LRRFIP1: variants seen among roughly 807,000 people sequenced by gnomAD.
LRRFIP1 encodes LRR binding FLII interacting protein 1, also known as leucine-rich repeat flightless-interacting protein 1.
In LRRFIP1, 62 loss-of-function variants were observed where a neutral mutation model predicts 104.4. The ratio of observed to expected loss-of-function variants is 0.59; its 90% CI spans 0.48 to 0.73. The LOEUF (loss-of-function observed/expected upper bound fraction) is 0.73, where lower values mean the gene tolerates loss of function less well. Among genes scored for constraint, LRRFIP1 ranks in the 30% least tolerant of loss-of-function variants. LRRFIP1 has a pLI of 0.00. For synonymous variants in LRRFIP1, 300 were observed against 299.0 expected, an observed-to-expected ratio of 1.00 and a Z score of -0.03; for missense variants, 796 against 824.5, an observed-to-expected ratio of 0.97 and a Z score of 0.42.
intron 19 of LRRFIP1, chr2:237,769,067 A>T (rs1414094834): frequency 6.6e-6 from 1 of 152,264 alleles, no homozygotes; most frequent in African/African-American, 2.4e-5. Flanking sequence ...GAAGGAGGCT[A>T]TGATGAAGCC....
rs57355213 is a variant in LRRFIP1, at chr2:237,719,940, CTTTT to C, written c.294+395_294+398del. On this transcript the variant is annotated intron_variant, in intron 5 of 23. Coordinates refer to ENST00000308482, the MANE Select transcript of LRRFIP1 (RefSeq NM_001137550.2). ...AAAGAATACTACTTGGATGAAATTA[CTTTT>C]TTTTTTTTTTTTTTTTTTTTTGAGA... Among the ~76,000 whole-genome samples the C allele has an allele frequency of 1.8e-3, 189 of 103,972 alleles. No individual in the cohort carries two copies. In the Middle Eastern group the frequency reaches 0.028, roughly 15 times the overall value. The allele number at this position is 103,972 out of a possible 152,430, so 68.2% of individuals were successfully genotyped here.
At chr2:237,726,976 ATAAAG>A (rs1372053119) in intron 7 of LRRFIP1, among the ~76,000 whole-genome samples, 1 of 152,220 alleles carries the variant, frequency 6.6e-6, no homozygotes, top group Non-Finnish European at 1.5e-5. Flanking sequence ...ATTTTGAAAA[ATAAAG>A]TAGGAGGGCT....
rs2150933794 is a variant in LRRFIP1 at position 237,774,482 on chromosome 2, T to C, written c.1812+20T>C. 6.6e-7 allele frequency: 1 copy of C among 1,504,864 alleles called. No homozygotes were observed. The highest frequency in any genetic ancestry group is 2.3e-5 in the East Asian group (1 of 44,278). The allele number at this position is 1,504,864 out of a possible 1,614,324, so 93.2% of individuals were successfully genotyped here. The stretch of plus-strand genomic sequence containing the variant: ...AGAGAGGTAAATTTCCTAGGCAATT[T>C]CTAGGAAGAGAATGGCTGCCAGTAT... On this transcript the variant is annotated intron_variant, in intron 23 of 23. Coordinates refer to ENST00000308482, the MANE Select transcript of LRRFIP1 (RefSeq NM_001137550.2).
intron 15 of LRRFIP1, among the ~76,000 whole-genome samples, chr2:237,754,768 C>T (rs1278225144): frequency 1.3e-5 from 2 of 152,196 alleles, no homozygotes; most frequent in Non-Finnish European, 2.9e-5. Flanking sequence ...CATGTGGGAA[C>T]GGAGGAGTGG....
At chr2:237,645,997 G>A (rs1392868066) in intron 1 of LRRFIP1, among the ~76,000 whole-genome samples, 3 of 151,826 alleles carry the variant, frequency 2.0e-5, no homozygotes, top group East Asian at 1.9e-4. Context: ...TCTGTTCCTC[G>A]CCGTGGGGAC....
intron 1 of LRRFIP1, chr2:237,692,473 C>A (rs964075165): frequency 2.0e-6 from 3 of 1,531,558 alleles, no homozygotes; most frequent in Admixed American, 2.0e-5. Flanking sequence ...GCCCCGCGGC[C>A]GCTCAAAGCC....
chr2:237,700,691 A>G (rs1267440406), intron 1 of LRRFIP1, among the ~76,000 whole-genome samples: 3 of 152,182 alleles, frequency 2.0e-5, no homozygotes, highest in African/African-American at 4.8e-5. Context: ...TCCTCTGTCC[A>G]TTGGCCCACT....
chr2:237,772,776 C>T (rs545754281), intron 21 of LRRFIP1, 90 bp from the exon 22 acceptor site: 21 of 885,352 alleles, frequency 2.4e-5, no homozygotes, highest in Non-Finnish European at 3.7e-5. Flanking sequence ...GAGATGATTA[C>T]AAAGTAAGGG....
At chr2:237,741,090 G>T (rs1400358472) in intron 11 of LRRFIP1, among the ~76,000 whole-genome samples, 1 of 152,174 alleles carries the variant, frequency 6.6e-6, no homozygotes, top group Non-Finnish European at 1.5e-5. Flanking sequence ...CCATCCCAGA[G>T]CCCAGCAGTC....
At chr2:237,644,615 A>G (rs1331010604) in intron 1 of LRRFIP1, among the ~76,000 whole-genome samples, 1 of 152,214 alleles carries the variant, frequency 6.6e-6, no homozygotes, top group African/African-American at 2.4e-5. Context: ...GCTTAGTTAG[A>G]ATGATAGAGA....
intron 14 of LRRFIP1, among the ~76,000 whole-genome samples, chr2:237,751,747 C>T (rs1029968541): frequency 3.3e-5 from 5 of 152,188 alleles, no homozygotes; most frequent in African/African-American, 7.2e-5. Flanking sequence ...CTGTAAAATG[C>T]TACTAATTGA....
chr2:237,753,527 G>A, intron 15 of LRRFIP1, 48 bp downstream of exon 15: 1 of 1,459,500 alleles, frequency 6.9e-7, no homozygotes, highest in Non-Finnish European at 9.1e-7. Context: ...TGCGTGCAGT[G>A]GCCCATGCCT....
rs9653223 is a variant in LRRFIP1 at position 237,661,888 on chromosome 2, G to A, written c.96+34148G>A. On this transcript the variant is annotated intron_variant, in intron 1 of 23. Coordinates refer to ENST00000308482, the MANE Select transcript of LRRFIP1 (RefSeq NM_001137550.2). This position sits in a 1 kb window ranked among gnomAD's most constrained non-coding sequence, Gnocchi z 4.4. Reference sequence around the variant, plus strand: ...AATAGGTGTTGCCATGATTCCTTTGGACAAAATGTAAAATCTGGCTGAAGA... The same window carrying A: ...AATAGGTGTTGCCATGATTCCTTTGAACAAAATGTAAAATCTGGCTGAAGA... Among the ~76,000 whole-genome samples the A allele has an allele frequency of 6.6e-3, 1,005 of 152,288 alleles. 20 individuals carry two copies. Among genetic ancestry groups the A allele is most frequent in the African/African-American group, 0.023 (951 of 41,554 alleles).
Position 237,717,759 on chromosome 2 carries a change from T to C in LRRFIP1, c.202-3T>C. 12 of 1,608,930 alleles carry C rather than the reference T, an allele frequency of 7.5e-6. No individual in the cohort carries two copies. Among genetic ancestry groups the C allele is most frequent in the East Asian group, 2.2e-5 (1 of 44,862 alleles). ...CCTAATTTTCTTTCCCTTCTGTCTA[T>C]AGAAATATTATGGGCTGGATACAAA... On this transcript the variant is annotated splice_region_variant and splice_polypyrimidine_tract_variant and intron_variant, in intron 3 of 23. Coordinates refer to ENST00000308482, the MANE Select transcript of LRRFIP1 (RefSeq NM_001137550.2). This position sits in a 1 kb window ranked among gnomAD's most constrained non-coding sequence, Gnocchi z 4.2.
chr2:237,774,855 G>A (rs1475758276), intron 23 of LRRFIP1, among the ~76,000 whole-genome samples: 1 of 152,236 alleles, frequency 6.6e-6, no homozygotes, highest in Non-Finnish European at 1.5e-5. Context: ...TGGCACCAGG[G>A]CCAGGCCACA....
chr2:237,716,552 G>A (rs1437764573), intron 3 of LRRFIP1, among the ~76,000 whole-genome samples: 2 of 152,112 alleles, frequency 1.3e-5, no homozygotes. Flanking sequence ...GCCGCCCTTC[G>A]AAATGAAACA....
chr2:237,780,913 C>T lies in LRRFIP1; in HGVS notation c.*1381C>T, dbSNP rs773057582. Among the ~76,000 whole-genome samples, 1 of 152,058 alleles carries T rather than the reference C, an allele frequency of 6.6e-6. No individual in the cohort carries two copies. Among genetic ancestry groups the T allele is most frequent in the Non-Finnish European group, 1.5e-5 (1 of 68,028 alleles). On this transcript the variant is annotated 3_prime_UTR_variant, in exon 24 of 24. Transcript: ENST00000308482. ...TTGCCACTGCCCATTGGGAAGCAGA[C>T]AAGTTATAGGGGGCTGGGGGCCAAC...
chr2:237,678,804 C>T (rs947134021), intron 1 of LRRFIP1, among the ~76,000 whole-genome samples: 1 of 152,060 alleles, frequency 6.6e-6, no homozygotes, highest in Non-Finnish European at 1.5e-5. Flanking sequence ...CACAGCACCC[C>T]GCCCCTCAAA....
At chr2:237,767,288 C>A (rs2060306142) in intron 19 of LRRFIP1, among the ~76,000 whole-genome samples, 2 of 152,140 alleles carry the variant, frequency 1.3e-5, no homozygotes, top group African/African-American at 4.8e-5. Flanking sequence ...GATTCAAACT[C>A]AGAAAAGAAT....
Sources: allele counts gnomAD v4.1 joint callset (sites outside exome capture counted in the v4.1 genomes callset), GRCh38; gene constraint gnomAD v4.1.1; non-coding constraint Gnocchi (gnomAD v3.1); transcripts MANE v1.5; gene names NCBI Gene and HGNC (gene_info 2026-07-23, HGNC 2026-07-21).